The following CYLD variants were observed in gnomAD, a reference collection of about 807,000 sequenced individuals.
CYLD encodes the protein CYLD lysine 63 deubiquitinase.
CYLD carries 26 observed loss-of-function variants against 104.5 expected under a neutral mutation model. That is an observed-to-expected ratio of 0.25 (90% CI 0.18 to 0.35). The LOEUF (loss-of-function observed/expected upper bound fraction) is 0.35, where lower values mean the gene tolerates loss of function less well. CYLD is among the 10% of genes least tolerant of loss of function. The pLI is 1.00. For synonymous variants in CYLD, 385 were observed against 399.9 expected (o/e 0.96, Z 0.45); for missense variants, 703 against 1,136.1 (o/e 0.62, Z 5.48).
chr16:50,759,069 C>T (rs1398919273), intron 5 of CYLD, among the ~76,000 whole-genome samples: 3 of 151,998 alleles, frequency 2.0e-5, no homozygotes, highest in Non-Finnish European at 2.9e-5. Context: ...CGAACCCCCC[C>T]GTCTCTACTA....
At chr16:50,755,047 ATAT>A (rs1966923506) in intron 5 of CYLD, among the ~76,000 whole-genome samples, 4 of 110,000 alleles carry the variant, frequency 3.6e-5, no homozygotes, top group Non-Finnish European at 7.4e-5. Flanking sequence ...ATATACATAT[ATAT>A]GTATATATAC....
rs571944156 is a variant in CYLD at position 50,762,996 on chromosome 16, C to T, written c.913+8572C>T. 6.6e-5 allele frequency among the ~76,000 whole-genome samples: 10 copies of T among 152,244 alleles called. 1 individual carries two copies. The South Asian group carries it at 1.9e-3, about 28-fold the overall frequency. ...ACATTTTCATCACCTCTAAAAGAAA[C>T]GCTGCACCCCTTAGTGATCATCTCC... On this transcript the variant is annotated intron_variant, in intron 5 of 18. Coordinates refer to ENST00000427738, the MANE Select transcript of CYLD (RefSeq NM_001378743.1).
chr16:50,773,992 G>A (rs146139765), intron 5 of CYLD, among the ~76,000 whole-genome samples: 1 of 152,246 alleles, frequency 6.6e-6, no homozygotes, highest in Non-Finnish European at 1.5e-5. Context: ...AGTGTCACCT[G>A]CAGAACTGTC....
rs1164722838 is a variant in CYLD, at chr16:50,794,052, C to T, written c.2470-160C>T. On this transcript the variant is annotated intron_variant, in intron 17 of 18. Transcript: ENST00000427738. The surrounding 1 kb of genome is among the most constrained non-coding windows in gnomAD (Gnocchi z 4.1). ...AAATGATTCTCCTGCCTCAGCCTCC[C>T]GAGTAGCTGGGACTGCAGGCGCCTG... Among the ~76,000 whole-genome samples, 8 of 151,856 alleles carry T rather than the reference C, an allele frequency of 5.3e-5. No individual in the cohort carries two copies. The highest frequency in any genetic ancestry group is 3.3e-4 in the Admixed American group (5 of 15,256).
At chr16:50,770,570 C>A (rs1239897896) in intron 5 of CYLD, among the ~76,000 whole-genome samples, 1 of 151,854 alleles carries the variant, frequency 6.6e-6, no homozygotes, top group Non-Finnish European at 1.5e-5. Context: ...CCTGCCTCAG[C>A]CTCCCAAGTA....
intron 9 of CYLD, among the ~76,000 whole-genome samples, chr16:50,780,469 A>G (rs1250397158): frequency 1.3e-5 from 2 of 152,196 alleles, no homozygotes; most frequent in East Asian, 1.9e-4. Context: ...TTTAGAGATC[A>G]GGAGAACATA....
At position 50,801,057 on chromosome 16, in the gene CYLD, T is replaced by C. The variant is rs1173817935; in HGVS notation, c.*4549T>C. 4.3e-6 allele frequency: 1 copy of C among 233,386 alleles called. No homozygotes were observed. Among genetic ancestry groups the C allele is most frequent in the Admixed American group, 5.6e-5 (1 of 17,784 alleles). The allele number at this position is 233,386 out of a possible 1,614,324, so 14.5% of individuals were successfully genotyped here. The stretch of plus-strand genomic sequence containing the variant: ...ACTAGGGTTTTAGACTGAGGCTTCC[T>C]GCAGGGTGTTCGCATTGCCCTTCTC... On this transcript the variant is annotated 3_prime_UTR_variant, in exon 19 of 19. Transcript: ENST00000427738.
intron 18 of CYLD, 133 bp from the exon 19 acceptor site, chr16:50,796,191 C>A: frequency 1.2e-6 from 1 of 833,666 alleles, no homozygotes; most frequent in South Asian, 1.7e-5. Context: ...GCTTTCACTT[C>A]CAGAAATCAG....
intron 5 of CYLD, among the ~76,000 whole-genome samples, chr16:50,760,225 A>T (rs545772530): frequency 6.6e-6 from 1 of 152,306 alleles, no homozygotes; most frequent in South Asian, 2.1e-4. Flanking sequence ...TTCATTTCAG[A>T]TAGAAGTCAC....
intron 2 of CYLD, chr16:50,744,966 G>A (rs150101294): frequency 3.3e-5 from 5 of 152,400 alleles, no homozygotes; most frequent in South Asian, 2.1e-4. Flanking sequence ...CTTCATCAGC[G>A]TCCTTAAAGG....
rs775779502 is a variant in CYLD at position 50,779,931 on chromosome 16, G to A, written c.1405G>A (p.Gly469Ser). 2 of 1,613,516 alleles carry A rather than the reference G, an allele frequency of 1.2e-6. No homozygotes were observed. Among genetic ancestry groups the A allele is most frequent in the South Asian group, 1.1e-5 (1 of 91,064 alleles). ...PLAMPPGNSH[G>S]LEVGSLAEVK... The stretch of plus-strand genomic sequence containing the variant: ...GGCCATGCCTCCTGGGAACTCACAT[G>A]GTCTAGAAGTGGGCTCATTGGCTGA... Residue 469 changes from glycine to serine, a missense_variant, in exon 9 of 19, where the codon GGT (glycine) becomes AGT (serine). Physicochemically the swap from Gly to Ser is moderately conservative, Grantham distance 56. Coordinates refer to ENST00000427738, the MANE Select transcript of CYLD (RefSeq NM_001378743.1).
chr16:50,749,444 T>A, intron 2 of CYLD, 132 bp from the exon 3 acceptor site: 1 of 550,656 alleles, frequency 1.8e-6, no homozygotes. Flanking sequence ...AATATTTCAT[T>A]TGTGTGTATG....
intron 11 of CYLD, chr16:50,784,006 GTAGTCTCTC>G (rs1351426563): frequency 1.5e-5 from 5 of 330,366 alleles, no homozygotes; most frequent in Admixed American, 4.3e-5. Context: ...ACTGATATTT[GTAGTCTCTC>G]TATCAACTTT....
At chr16:50,744,571 C>A (rs995465180) in intron 2 of CYLD, among the ~76,000 whole-genome samples, 4 of 152,094 alleles carry the variant, frequency 2.6e-5, no homozygotes, top group Admixed American at 1.3e-4. Context: ...TTTGGAGATG[C>A]AAAAAGCTCT....
Position 50,798,959 on chromosome 16 carries a change from T to C in CYLD, c.*2451T>C, listed in dbSNP as rs368296872. 28 of 233,436 alleles carry C rather than the reference T, an allele frequency of 1.2e-4. No homozygotes were observed. Among genetic ancestry groups the C allele is most frequent in the East Asian group, 1.2e-3 (20 of 16,722 alleles). 14.5% of individuals were successfully genotyped at this position (233,436 alleles called of 1,614,324 possible). On this transcript the variant is annotated 3_prime_UTR_variant, in exon 19 of 19. Transcript: ENST00000427738. ...GCATGTCATGAGGCAGCAGGAAGGTTTCCCCTGCACCTGTCTGTCCTGGCT... is the reference window on the plus strand; with the variant it reads ...GCATGTCATGAGGCAGCAGGAAGGTCTCCCCTGCACCTGTCTGTCCTGGCT...
chr16:50,779,362 T>C (rs947849728), intron 8 of CYLD, among the ~76,000 whole-genome samples: 1 of 152,222 alleles, frequency 6.6e-6, no homozygotes, highest in Non-Finnish European at 1.5e-5. Flanking sequence ...TCGGTATCTT[T>C]TTGTACTGCC....
Position 50,801,654 on chromosome 16 carries a change from T to C in CYLD, c.*5146T>C, listed in dbSNP as rs2151058793. The C allele has an allele frequency of 4.3e-6, 1 of 233,522 alleles. No individual in the cohort carries two copies. The highest frequency in any genetic ancestry group is 6.0e-5 in the East Asian group (1 of 16,648). 14.5% of individuals were successfully genotyped at this position (233,522 alleles called of 1,614,324 possible). A position where few individuals can be genotyped will look rare whatever the true frequency, so the allele number is the denominator to read the frequency against. On this transcript the variant is annotated 3_prime_UTR_variant, in exon 19 of 19. Transcript: ENST00000427738. Reference sequence around the variant, plus strand: ...CCCATCTGAAACTTCCCAGGGGAGTTGGGATTCTTAGTAGATTGGTAGAAA... The same window carrying C: ...CCCATCTGAAACTTCCCAGGGGAGTCGGGATTCTTAGTAGATTGGTAGAAA...
chr16:50,752,488 T>A (rs1007809282), intron 4 of CYLD, among the ~76,000 whole-genome samples: 22 of 152,210 alleles, frequency 1.4e-4, no homozygotes, highest in Non-Finnish European at 2.5e-4. Flanking sequence ...TAGGATTTCA[T>A]TCATTTTAAA....
intron 11 of CYLD, chr16:50,784,096 T>C (rs1970570998): frequency 4.3e-6 from 2 of 465,564 alleles, no homozygotes; most frequent in Non-Finnish European, 7.9e-6. Flanking sequence ...ATCTGCCGTT[T>C]GCTTTCTCAG....
Sources: gnomAD v4.1 joint callset for allele counts (sites outside exome capture counted in the v4.1 genomes callset) on GRCh38, gnomAD v4.1.1 for gene constraint, Gnocchi (gnomAD v3.1) non-coding constraint, MANE v1.5 for transcripts, NCBI Gene and HGNC (gene_info 2026-07-23, HGNC 2026-07-21) for gene names.